SPMIP3: variants seen among roughly 807,000 people sequenced by gnomAD.
The protein encoded by SPMIP3 is protein SPMIP3.
At chr1:244,389,171 G>T in the SPMIP3 span, 1 of 812,284 alleles carries the variant, frequency 1.2e-6, no homozygotes, top group Non-Finnish European at 2.0e-6. Context: ...GTATACAGAT[G>T]GCTATAATCC....
the SPMIP3 span, among the ~76,000 whole-genome samples, chr1:244,353,848 C>T: frequency 2.0e-5 from 3 of 152,248 alleles, no homozygotes; most frequent in East Asian, 1.9e-4. Context: ...CTCATTGCTG[C>T]GAGCCCTCTT....
the SPMIP3 span, among the ~76,000 whole-genome samples, chr1:244,386,108 G>A: frequency 6.6e-6 from 1 of 152,138 alleles, no homozygotes; most frequent in East Asian, 1.9e-4. Context: ...ACCCCAGGAG[G>A]CGGAGGTTGC....
the SPMIP3 span, among the ~76,000 whole-genome samples, chr1:244,354,999 G>A: frequency 4.6e-5 from 7 of 152,286 alleles, no homozygotes; most frequent in South Asian, 2.1e-4. Flanking sequence ...ACATGGCGGC[G>A]AAATCACGTG....
At chr1:244,378,319 TGCCAGG>T in the SPMIP3 span, 1 of 731,662 alleles carries the variant, frequency 1.4e-6, no homozygotes, top group Non-Finnish European at 2.2e-6. Flanking sequence ...ACTGCAGCTT[TGCCAGG>T]GCTGGTCGCA....
chr1:244,353,946 A>C, the SPMIP3 span, among the ~76,000 whole-genome samples: 1 of 152,072 alleles, frequency 6.6e-6, no homozygotes, highest in Non-Finnish European at 1.5e-5. Context: ...ATCCCAAAGC[A>C]CTTCCCCACC....
At chr1:244,377,164 C>G in the SPMIP3 span, among the ~76,000 whole-genome samples, 1 of 151,442 alleles carries the variant, frequency 6.6e-6, no homozygotes. Context: ...CGCTGTCTCC[C>G]AGGCTGGACT....
At chr1:244,356,451 C>T in the SPMIP3 span, among the ~76,000 whole-genome samples, 1 of 152,128 alleles carries the variant, frequency 6.6e-6, no homozygotes, top group African/African-American at 2.4e-5. Flanking sequence ...CAGATTTGTT[C>T]CTGAAGTCAG....
the SPMIP3 span, among the ~76,000 whole-genome samples, chr1:244,359,646 A>ACT: frequency 6.6e-6 from 1 of 150,430 alleles, no homozygotes; most frequent in African/African-American, 2.4e-5. Flanking sequence ...TCACTTAAAC[A>ACT]CAGGAGGCGG....
the SPMIP3 span, among the ~76,000 whole-genome samples, chr1:244,385,110 C>T: frequency 6.6e-6 from 1 of 152,174 alleles, no homozygotes; most frequent in African/African-American, 2.4e-5. Context: ...CCATCATGGT[C>T]TCGAACTCCT....
chr1:244,377,744 T>C, the SPMIP3 span, among the ~76,000 whole-genome samples: 1 of 152,160 alleles, frequency 6.6e-6, no homozygotes, highest in East Asian at 1.9e-4. Context: ...TACAGGAAGG[T>C]TGTAATGATT....
chr1:244,359,699 G>A, the SPMIP3 span, among the ~76,000 whole-genome samples: 1 of 151,680 alleles, frequency 6.6e-6, no homozygotes, highest in Non-Finnish European at 1.5e-5. Flanking sequence ...CTCCAGCCTG[G>A]GCAATGAGAG....
the SPMIP3 span, among the ~76,000 whole-genome samples, chr1:244,366,035 C>G: frequency 7.2e-5 from 11 of 152,156 alleles, no homozygotes; most frequent in African/African-American, 2.2e-4. Flanking sequence ...CCCCACTCCC[C>G]CTTCACCACC....
the SPMIP3 span, among the ~76,000 whole-genome samples, chr1:244,360,539 CACACACACACACACACACATGCAT>C: frequency 0.022 from 1,394 of 64,824 alleles, 39 homozygotes; most frequent in African/African-American, 0.061. Flanking sequence ...CACACACACA[CACACACACACACACACACATGCAT>C]GCATGGAATA....
chr1:244,367,429 G>A, the SPMIP3 span, among the ~76,000 whole-genome samples: 6 of 152,262 alleles, frequency 3.9e-5, no homozygotes, highest in East Asian at 1.9e-4. Context: ...TGGAGAAGCC[G>A]TCCCATGGGA....
At chr1:244,386,422 T>C in the SPMIP3 span, among the ~76,000 whole-genome samples, 1 of 152,192 alleles carries the variant, frequency 6.6e-6, no homozygotes, top group African/African-American at 2.4e-5. Flanking sequence ...TCTCATAGCA[T>C]CCCCAATCTG....
At chr1:244,355,155 T>C in the SPMIP3 span, among the ~76,000 whole-genome samples, 1 of 152,210 alleles carries the variant, frequency 6.6e-6, no homozygotes, top group Non-Finnish European at 1.5e-5. Context: ...CCTGGCTGTG[T>C]GAACTTAAAC....
chr1:244,388,014 G>A, the SPMIP3 span, among the ~76,000 whole-genome samples: 22 of 151,292 alleles, frequency 1.5e-4, no homozygotes, highest in Non-Finnish European at 2.1e-4. Context: ...TGCAACCTCC[G>A]CCTCCCGGGT....
the SPMIP3 span, among the ~76,000 whole-genome samples, chr1:244,355,400 G>C: frequency 2.0e-5 from 3 of 152,172 alleles, no homozygotes; most frequent in South Asian, 4.1e-4. Context: ...TTGATTGATT[G>C]ATTGATTGAG....
chr1:244,354,162 T>C, the SPMIP3 span, among the ~76,000 whole-genome samples: 1 of 141,250 alleles, frequency 7.1e-6, no homozygotes, highest in South Asian at 2.5e-4. Flanking sequence ...CACTGAATTT[T>C]CCAAATCTTA....
Sources: gnomAD v4.1 joint callset for allele counts (sites outside exome capture counted in the v4.1 genomes callset) on GRCh38, gnomAD v4.1.1 for gene constraint, MANE v1.5 for transcripts, NCBI Gene and HGNC (gene_info 2026-07-23, HGNC 2026-07-21) for gene names.